The following FRMD4A variants were observed in gnomAD, a reference collection of about 807,000 sequenced individuals.
The protein encoded by FRMD4A is FERM domain containing 4A.
FRMD4A carries 29 observed loss-of-function variants against 129.1 expected under a neutral mutation model. That is an observed-to-expected ratio of 0.22 (90% CI 0.17 to 0.31). The LOEUF is 0.31. Among genes scored for constraint, FRMD4A ranks in the 10% least tolerant of loss-of-function variants. The pLI is 1.00. For missense variants in FRMD4A, 1,272 were observed against 1,375.8 expected (o/e 0.92, Z 1.19); for synonymous variants, 634 against 571.6 (o/e 1.11, Z -1.56).
intron 3 of FRMD4A, among the ~76,000 whole-genome samples, chr10:13,811,852 A>C (rs7088455): frequency 6.6e-6 from 1 of 150,776 alleles, no homozygotes; most frequent in Non-Finnish European, 1.5e-5. Flanking sequence ...CACACTCACC[A>C]GATATTAGGA....
At chr10:14,157,662 C>T (rs1410928675) in intron 2 of FRMD4A, among the ~76,000 whole-genome samples, 3 of 152,190 alleles carry the variant, frequency 2.0e-5, no homozygotes, top group African/African-American at 7.2e-5. Flanking sequence ...GTCTTAGCAT[C>T]TTGCACTCAC....
intron 2 of FRMD4A, among the ~76,000 whole-genome samples, chr10:13,911,655 G>A (rs1182904389): frequency 1.3e-5 from 2 of 152,094 alleles, no homozygotes; most frequent in African/African-American, 2.4e-5. Flanking sequence ...TCCGCCTCCC[G>A]GGTTCAAGCG....
At chr10:13,994,600 A>AT (rs1208247660) in intron 2 of FRMD4A, among the ~76,000 whole-genome samples, 3 of 152,206 alleles carry the variant, frequency 2.0e-5, no homozygotes, top group Non-Finnish European at 2.9e-5. Flanking sequence ...ACTTGTAGAA[A>AT]TTGAAAACTG....
At chr10:14,222,135 C>T (rs955467357) in intron 2 of FRMD4A, among the ~76,000 whole-genome samples, 1 of 152,088 alleles carries the variant, frequency 6.6e-6, no homozygotes, top group African/African-American at 2.4e-5. Context: ...GCATATCTTT[C>T]GATATTCAAA....
At chr10:14,120,588 G>T (rs1287246584) in intron 2 of FRMD4A, among the ~76,000 whole-genome samples, 1 of 152,180 alleles carries the variant, frequency 6.6e-6, no homozygotes, top group South Asian at 2.1e-4. Flanking sequence ...CGTTTCCAGA[G>T]AACTATGGTA....
intron 2 of FRMD4A, among the ~76,000 whole-genome samples, chr10:14,039,410 C>CCA (rs1565204587): frequency 2.3e-4 from 26 of 112,646 alleles, no homozygotes; most frequent in African/African-American, 8.0e-4. Flanking sequence ...ATCCATCCAT[C>CCA]TATCTATCTA....
intron 2 of FRMD4A, among the ~76,000 whole-genome samples, chr10:14,053,962 AC>A (rs1201652686): frequency 1.3e-5 from 2 of 151,964 alleles, no homozygotes; most frequent in African/African-American, 4.8e-5. Context: ...AGTTATGATC[AC>A]CCCACTGCAC....
chr10:13,809,939 C>T (rs2093418131), intron 4 of FRMD4A, among the ~76,000 whole-genome samples: 1 of 152,198 alleles, frequency 6.6e-6, no homozygotes. Flanking sequence ...ATGTGGATGC[C>T]CACCTGTTCT....
intron 2 of FRMD4A, among the ~76,000 whole-genome samples, chr10:14,079,986 A>G (rs1835833551): frequency 6.6e-6 from 1 of 152,200 alleles, no homozygotes; most frequent in Non-Finnish European, 1.5e-5. Flanking sequence ...CAAGCATAAC[A>G]TGAGCAGCTG....
intron 2 of FRMD4A, among the ~76,000 whole-genome samples, chr10:14,039,460 ATCTATCTATCTATCTATCTATCTATCT>A (rs1833686801): frequency 7.2e-5 from 5 of 69,634 alleles, no homozygotes; most frequent in African/African-American, 3.2e-4. Context: ...CAATCAATCT[ATCTATCTATCTATCTATCTATCTATCT>A]ATCTATCTAT....
At chr10:13,787,768 C>CAGTTTTTGGCTGGGCAT (rs1046168294) in intron 5 of FRMD4A, among the ~76,000 whole-genome samples, 1 of 149,722 alleles carries the variant, frequency 6.7e-6, no homozygotes, top group African/African-American at 2.5e-5. Flanking sequence ...TTTTTTAATC[C>CAGTTTTTGGCTGGGCAT]AGTTTTTGGC....
chr10:14,052,243 A>G (rs549155510), intron 2 of FRMD4A, among the ~76,000 whole-genome samples: 5 of 152,284 alleles, frequency 3.3e-5, no homozygotes, highest in African/African-American at 4.8e-5. Context: ...AGCCTCCAGA[A>G]CTGTGAAAGA....
At chr10:14,107,227 T>C (rs1248456881) in intron 2 of FRMD4A, among the ~76,000 whole-genome samples, 43 of 151,966 alleles carry the variant, frequency 2.8e-4, no homozygotes, top group Admixed American at 2.8e-3. Context: ...GGGACAAGGG[T>C]TGAAAAACTA....
At chr10:13,867,730 ATAAATAACATATAATATAATATATAAT>A (rs1248919396) in intron 2 of FRMD4A, among the ~76,000 whole-genome samples, 1 of 120,742 alleles carries the variant, frequency 8.3e-6, no homozygotes, top group Non-Finnish European at 1.6e-5. Context: ...ATAATATATA[ATAAATAACATATAATATAATATATAAT>A]ATATAATATA....
intron 2 of FRMD4A, among the ~76,000 whole-genome samples, chr10:13,950,311 C>CTGTA (rs2095362664): frequency 6.6e-6 from 1 of 152,248 alleles, no homozygotes. Context: ...TCATCTTGAT[C>CTGTA]TGTAACTCAA....
chr10:14,294,388 G>A (rs1453179801), intron 2 of FRMD4A, among the ~76,000 whole-genome samples: 1 of 152,190 alleles, frequency 6.6e-6, no homozygotes, highest in Non-Finnish European at 1.5e-5. Context: ...CATATTAGGT[G>A]TCCTCCACGT....
chr10:13,856,333 T>C (rs2094213972), intron 3 of FRMD4A, among the ~76,000 whole-genome samples: 1 of 151,908 alleles, frequency 6.6e-6, no homozygotes, highest in Non-Finnish European at 1.5e-5. Flanking sequence ...TCAAGACATC[T>C]TAGGTTTGTC....
chr10:13,736,897 T>G (rs149201854), intron 12 of FRMD4A, among the ~76,000 whole-genome samples: 1,854 of 152,318 alleles, frequency 0.012, 59 homozygotes, highest in South Asian at 0.11. Context: ...TGAAAAGTGT[T>G]TGTAAATGAA....
chr10:14,022,060 T>A (rs1206623634), intron 2 of FRMD4A, among the ~76,000 whole-genome samples: 4 of 152,192 alleles, frequency 2.6e-5, no homozygotes, highest in African/African-American at 9.6e-5. Flanking sequence ...GGTCCTTGTA[T>A]ACAATATTCT....
Sources: allele counts gnomAD v4.1 joint callset (sites outside exome capture counted in the v4.1 genomes callset), GRCh38; gene constraint gnomAD v4.1.1; transcripts MANE v1.5; gene names NCBI Gene and HGNC (gene_info 2026-07-23, HGNC 2026-07-21).